MAP3K20: variants seen among roughly 807,000 people sequenced by gnomAD.
The protein encoded by MAP3K20 is HCCS-4.
Under a neutral mutation model 85.7 loss-of-function variants are expected in MAP3K20, and 40 were observed. The ratio of observed to expected loss-of-function variants is 0.47; its 90% CI spans 0.36 to 0.61. The LOEUF (loss-of-function observed/expected upper bound fraction) is 0.61. MAP3K20 is among the 20% of genes least tolerant of loss of function. The pLI, the probability that MAP3K20 is intolerant of heterozygous loss-of-function variation, is 0.00. For synonymous variants in MAP3K20, 325 were observed against 327.7 expected, an observed-to-expected ratio of 0.99 and a Z score of 0.09; for missense variants, 817 against 961.7, an observed-to-expected ratio of 0.85 and a Z score of 1.99.
intron 19 of MAP3K20, 112 bp from the exon 20 acceptor site, chr2:173,265,938 G>A (rs1574172837): frequency 9.3e-7 from 1 of 1,074,654 alleles, no homozygotes; most frequent in East Asian, 2.6e-5. Flanking sequence ...TTCTATGAAT[G>A]GTAAAGCTTA....
At chr2:173,104,959 C>T (rs189591172) in intron 2 of MAP3K20, among the ~76,000 whole-genome samples, 2 of 151,978 alleles carry the variant, frequency 1.3e-5, no homozygotes, top group East Asian at 1.9e-4. Context: ...AGGGGGCCAT[C>T]GTAGCTGGAG....
chr2:173,256,554 G>GAC (rs1246890909), intron 16 of MAP3K20, among the ~76,000 whole-genome samples: 2 of 148,680 alleles, frequency 1.3e-5, no homozygotes, highest in Non-Finnish European at 3.0e-5. Flanking sequence ...GACAGATAGA[G>GAC]AGAATGTGCA....
At chr2:173,207,913 GAGT>G (rs1683743759) in intron 9 of MAP3K20, among the ~76,000 whole-genome samples, 1 of 152,102 alleles carries the variant, frequency 6.6e-6, no homozygotes, top group African/African-American at 2.4e-5. Context: ...CTCTATCCAA[GAGT>G]AGGTTCTGAC....
At chr2:173,171,495 G>GA (rs1325656693) in intron 3 of MAP3K20, among the ~76,000 whole-genome samples, 2 of 152,284 alleles carry the variant, frequency 1.3e-5, no homozygotes, top group African/African-American at 4.8e-5. Context: ...GTGAAGGATA[G>GA]AAAAGGGAAC....
chr2:173,112,410 G>C (rs1688002030), intron 2 of MAP3K20, among the ~76,000 whole-genome samples: 1 of 152,080 alleles, frequency 6.6e-6, no homozygotes, highest in Admixed American at 6.6e-5. Context: ...TCTTTCTCTT[G>C]TCTGATTGAT....
Position 173,266,600 on chromosome 2 carries a change from G to C in MAP3K20, c.2253G>C (p.Glu751Asp). Residue 751 changes from glutamate to aspartate, a missense_variant, in exon 20 of 20, where the codon GAG (glutamate) becomes GAC (aspartate). Transcript: ENST00000375213. ...NTIPGMPLHPETDSRASEEDS... is the reference protein window; with the variant it reads ...NTIPGMPLHPDTDSRASEEDS... Reference sequence around the variant, plus strand: ...TACCAGGGATGCCTTTGCACCCTGAGACTGACTCAAGAGCCAGTGAAGAGG... The same window carrying C: ...TACCAGGGATGCCTTTGCACCCTGACACTGACTCAAGAGCCAGTGAAGAGG... 6.2e-7 allele frequency: 1 copy of C among 1,613,936 alleles called. No homozygotes were observed. Among genetic ancestry groups the C allele is most frequent in the Non-Finnish European group, 8.5e-7 (1 of 1,179,998 alleles).
chr2:173,178,850 C>T (rs1476569047), intron 3 of MAP3K20, among the ~76,000 whole-genome samples: 1 of 151,890 alleles, frequency 6.6e-6, no homozygotes, highest in South Asian at 2.1e-4. Flanking sequence ...CATAAGAAAG[C>T]GACAGACCAA....
intron 2 of MAP3K20, among the ~76,000 whole-genome samples, chr2:173,111,526 A>G (rs755666234): frequency 6.6e-6 from 1 of 152,184 alleles, no homozygotes; most frequent in Non-Finnish European, 1.5e-5. Flanking sequence ...GGTTTTTCCA[A>G]TGTTACCTTC....
rs1684768224 is a variant in MAP3K20, at chr2:173,241,048, T to C, written c.1359+1552T>C. Among the ~76,000 whole-genome samples, 3 of 152,200 alleles carry C rather than the reference T, an allele frequency of 2.0e-5. No individual in the cohort carries two copies. In the South Asian group the frequency reaches 6.2e-4, roughly 32 times the overall value. On this transcript the variant is annotated intron_variant, in intron 16 of 19. Coordinates refer to ENST00000375213, the MANE Select transcript of MAP3K20 (RefSeq NM_016653.3). ...AAGCTAAAAATTAAAACACTTGAAC[T>C]CATGGAGATAGTAGAATGATGATTA...
chr2:173,081,531 TA>T (rs1573995300), intron 1 of MAP3K20, among the ~76,000 whole-genome samples: 2 of 152,142 alleles, frequency 1.3e-5, no homozygotes, highest in East Asian at 3.8e-4. Context: ...GATAAAAGAA[TA>T]GGGGTAGATC....
intron 16 of MAP3K20, among the ~76,000 whole-genome samples, chr2:173,244,894 T>G (rs752882396): frequency 6.6e-6 from 1 of 152,136 alleles, no homozygotes; most frequent in Non-Finnish European, 1.5e-5. Context: ...AGCCTTTAAG[T>G]CCACCCCCAC....
chr2:173,088,829 C>CA (rs796869151), intron 1 of MAP3K20, among the ~76,000 whole-genome samples: 1 of 152,078 alleles, frequency 6.6e-6, no homozygotes, highest in Non-Finnish European at 1.5e-5. Flanking sequence ...ATAGGAATTA[C>CA]AAAAAAGTTG....
At chr2:173,105,021 G>T (rs1341213117) in intron 2 of MAP3K20, among the ~76,000 whole-genome samples, 2 of 152,192 alleles carry the variant, frequency 1.3e-5, no homozygotes, top group Non-Finnish European at 2.9e-5. Context: ...AGGCAATGAG[G>T]CCAAGTGGTC....
chr2:173,178,939 A>G (rs954287898), intron 3 of MAP3K20, among the ~76,000 whole-genome samples: 2 of 152,202 alleles, frequency 1.3e-5, no homozygotes, highest in African/African-American at 4.8e-5. Context: ...GAAGATTATA[A>G]ATTCCAATTA....
At chr2:173,093,830 T>A (rs1418315092) in intron 2 of MAP3K20, among the ~76,000 whole-genome samples, 22 of 152,156 alleles carry the variant, frequency 1.4e-4, no homozygotes, top group African/African-American at 4.8e-4. Context: ...TGAGTTCATG[T>A]CCTTTGTAGG....
At chr2:173,195,191 A>ATT (rs1690789075) in intron 7 of MAP3K20, among the ~76,000 whole-genome samples, 2 of 137,508 alleles carry the variant, frequency 1.5e-5, no homozygotes, top group African/African-American at 2.5e-5. Context: ...CTCTCTTTAA[A>ATT]AAAAAAAAAA....
intron 2 of MAP3K20, among the ~76,000 whole-genome samples, chr2:173,132,086 T>C (rs1044534739): frequency 6.6e-6 from 1 of 152,184 alleles, no homozygotes; most frequent in African/African-American, 2.4e-5. Flanking sequence ...ATAGATATTT[T>C]TGAATTGATG....
At chr2:173,153,822 A>T (rs575811767) in intron 2 of MAP3K20, among the ~76,000 whole-genome samples, 14 of 152,350 alleles carry the variant, frequency 9.2e-5, no homozygotes, top group Admixed American at 2.0e-4. Flanking sequence ...TACTCATACT[A>T]CATATTACAA....
chr2:173,245,898 T>A (rs773112454), intron 16 of MAP3K20, among the ~76,000 whole-genome samples: 1 of 152,206 alleles, frequency 6.6e-6, no homozygotes, highest in African/African-American at 2.4e-5. Context: ...ACCACTGCAC[T>A]CCAGCCTGGG....
Sources: gnomAD v4.1 joint callset for allele counts (sites outside exome capture counted in the v4.1 genomes callset) on GRCh38, gnomAD v4.1.1 for gene constraint, MANE v1.5 for transcripts, NCBI Gene and HGNC (gene_info 2026-07-23, HGNC 2026-07-21) for gene names.